Variants in KIAA1191 observed in about 807,000 individuals in gnomAD.
The protein encoded by KIAA1191 is KIAA1191, also known as putative monooxygenase p33MONOX.
In KIAA1191, 22 loss-of-function variants were observed where a neutral mutation model predicts 31.1. That is an observed-to-expected ratio of 0.71 (90% confidence interval 0.51 to 1.01). The LOEUF is 1.01. KIAA1191 is among the 50% of genes least tolerant of loss of function. The pLI, the probability that KIAA1191 is intolerant of heterozygous loss-of-function variation, is 0.00. For synonymous variants in KIAA1191, 130 were observed against 143.9 expected, an observed-to-expected ratio of 0.90 and a Z score of 0.69; for missense variants, 319 against 388.0, an observed-to-expected ratio of 0.82 and a Z score of 1.49.
Position 176,361,211 on chromosome 5 carries a change from G to T in KIAA1191, c.-168+391C>A, listed in dbSNP as rs1279617612. 1 of 152,232 alleles carries T rather than the reference G, an allele frequency of 6.6e-6. No homozygotes were observed. Among genetic ancestry groups the T allele is most frequent in the Non-Finnish European group, 1.5e-5 (1 of 68,172 alleles). 9.4% of individuals were successfully genotyped at this position (152,232 alleles called of 1,614,324 possible). ...TCTCCTTCACAATATACAAGACGGT[G>T]CCGCCAGGATACGAAAGGCCGGCTG... On this transcript the variant is annotated intron_variant, in intron 1 of 8. Coordinates refer to ENST00000298569, the MANE Select transcript of KIAA1191 (RefSeq NM_020444.5). This position sits in a 1 kb window ranked among gnomAD's most constrained non-coding sequence, Gnocchi z 4.0.
In KIAA1191 at chr5:176,352,624, G is replaced by T; in HGVS notation, c.332C>A (p.Thr111Lys). The change falls in exon 5 of 9, where the codon ACA becomes AAA. Residue 111 changes from threonine to lysine, a missense_variant and splice_region_variant. Transcript: ENST00000298569. ...ATHVIMNSLITKQTQESIQHF... is the reference protein window; with the variant it reads ...ATHVIMNSLIKKQTQESIQHF... ...CTCTGAGGGTGAAGAGTGCTTACTT[G>T]TGATCAGAGAATTCATGATGACATG... is the stretch of plus-strand genomic sequence containing the variant. 6.2e-7 allele frequency: 1 copy of T among 1,613,522 alleles called. No individual in the cohort carries two copies. The highest frequency in any genetic ancestry group is 8.5e-7 in the Non-Finnish European group (1 of 1,179,632).
chr5:176,356,445 C>A (rs982161422), intron 3 of KIAA1191, among the ~76,000 whole-genome samples: 4 of 152,190 alleles, frequency 2.6e-5, no homozygotes, highest in Non-Finnish European at 5.9e-5. Flanking sequence ...GAATCCTCTA[C>A]CTTCCTTTCC....
Position 176,360,916 on chromosome 5 carries a change from G to A in KIAA1191, c.-168+686C>T, listed in dbSNP as rs1239411225. ...ACGGTCACAGATAAGTGGTCCGTGC[G>A]CAAGGTAGGTAGTTTCATGCCCAGT... On this transcript the variant is annotated intron_variant, in intron 1 of 8. Coordinates refer to ENST00000298569, the MANE Select transcript of KIAA1191 (RefSeq NM_020444.5). Among the ~76,000 whole-genome samples, 3 of 152,192 alleles carry A rather than the reference G, an allele frequency of 2.0e-5. No individual in the cohort carries two copies. In the South Asian group the frequency reaches 6.2e-4, roughly 31 times the overall value.
Position 176,350,651 on chromosome 5 carries a change from C to G in KIAA1191, c.421G>C (p.Glu141Gln). 6.2e-7 allele frequency: 1 copy of G among 1,614,084 alleles called. No homozygotes were observed. The highest frequency in any genetic ancestry group is 8.5e-7 in the Non-Finnish European group (1 of 1,180,020). The change falls in exon 6 of 9, where the codon GAG becomes CAG. Residue 141 changes from glutamate to glutamine, a missense_variant. Glu to Gln is a conservative substitution (Grantham distance 29). Transcript: ENST00000298569. ...GCCACTCGAAGGTACTTGGTCTCCT[C>G]GGTGGTGAGGCCCTTGTGGGGTGTG... is the stretch of plus-strand genomic sequence containing the variant. ...GYTPHKGLTT[E>Q]ETKYLRVAEA...
Position 176,347,556 on chromosome 5 carries a change from G to C in KIAA1191, c.*44C>G. ...TCAAAGCCAAGGTAAAAGGGGAGTG[G>C]GATGCAAGAAACCACCTTTACCAGA... On this transcript the variant is annotated 3_prime_UTR_variant, in exon 9 of 9. Coordinates refer to ENST00000298569, the MANE Select transcript of KIAA1191 (RefSeq NM_020444.5). 7.2e-7 allele frequency: 1 copy of C among 1,387,368 alleles called. No individual in the cohort carries two copies. The highest frequency in any genetic ancestry group is 9.6e-7 in the Non-Finnish European group (1 of 1,039,624). 85.9% of individuals were successfully genotyped at this position (1,387,368 alleles called of 1,614,324 possible).
intron 1 of KIAA1191, among the ~76,000 whole-genome samples, 170 bp from the exon 2 acceptor site, chr5:176,360,088 C>T (rs1767866264): frequency 6.6e-6 from 1 of 151,694 alleles, no homozygotes; most frequent in Non-Finnish European, 1.5e-5. Context: ...CTATTTACAG[C>T]GTTTATCTTG....
In KIAA1191 at chr5:176,352,710, C is replaced by A; in HGVS notation, c.246G>T (p.Met82Ile). 6.2e-7 allele frequency: 1 copy of A among 1,613,894 alleles called. No homozygotes were observed. Among genetic ancestry groups the A allele is most frequent in the South Asian group, 1.1e-5 (1 of 91,040 alleles). ...EGEASLPSPA[M>I]TLSSAIDSVD... ...CACTGTCAATGGCTGATGACAGGGT[C>A]ATGGCAGGGGAGGGTAGACTGGCCT... The change falls in exon 5 of 9, where the codon ATG becomes ATT. Residue 82 changes from methionine to isoleucine, a missense_variant. Coordinates refer to ENST00000298569, the MANE Select transcript of KIAA1191 (RefSeq NM_020444.5).
In KIAA1191 at chr5:176,348,260, G is replaced by A; in HGVS notation, c.556C>T (p.Gln186Ter). 6.2e-7 allele frequency: 1 copy of A among 1,613,746 alleles called. No homozygotes were observed. Among genetic ancestry groups the A allele is most frequent in the Non-Finnish European group, 8.5e-7 (1 of 1,179,878 alleles). Reference protein sequence around the residue: ...PSTTPHSSPKQRPRGWFTSGS... With the variant: ...PSTTPHSSPK ...ACAGGAAGGGCTCACCTGGGCCTCT[G>A]CTTAGGTGAAGAGTGCGGAGTGGTG... is the stretch of plus-strand genomic sequence containing the variant. Residue 186 changes from glutamine (Q) to a stop codon, truncating the protein, a stop_gained, in exon 7 of 9, where the codon CAG becomes TAG. Transcript: ENST00000298569. LOFTEE classifies it high-confidence loss of function.
intron 7 of KIAA1191, 37 bp downstream of exon 7, chr5:176,348,213 C>G (rs1232227390): frequency 2.5e-6 from 4 of 1,600,254 alleles, no homozygotes; most frequent in Non-Finnish European, 3.4e-6. Context: ...TTTCCTGAAG[C>G]ACGCAGGAAC....
At chr5:176,358,814 G>C (rs974568283) in intron 3 of KIAA1191, among the ~76,000 whole-genome samples, 1 of 152,200 alleles carries the variant, frequency 6.6e-6, no homozygotes, top group Non-Finnish European at 1.5e-5. Context: ...GCCGGGCACG[G>C]TGGCTCACGC....
chr5:176,357,401 A>G (rs1292395014), intron 3 of KIAA1191: 1 of 152,218 alleles, frequency 6.6e-6, no homozygotes, highest in African/African-American at 2.4e-5. Context: ...GTTCACTTTC[A>G]GTGGGTGAAT....
intron 4 of KIAA1191, 140 bp from the exon 5 acceptor site, chr5:176,352,888 A>G: frequency 2.4e-6 from 2 of 832,578 alleles, no homozygotes; most frequent in Non-Finnish European, 1.8e-6. Flanking sequence ...GGAGTTGGTC[A>G]TCTCCACCCA....
Position 176,348,261 on chromosome 5 carries a change from C to T in KIAA1191, c.555G>A (p.Lys185=). The change falls in exon 7 of 9, where the codon AAG becomes AAA. Residue 185 remains lysine (K), a synonymous_variant. Coordinates refer to ENST00000298569, the MANE Select transcript of KIAA1191 (RefSeq NM_020444.5). ...CAGGAAGGGCTCACCTGGGCCTCTG[C>T]TTAGGTGAAGAGTGCGGAGTGGTGC... ...TPSTTPHSSP[K]QRPRGWFTSG... The T allele has an allele frequency of 1.2e-6, 2 of 1,613,736 alleles. No individual in the cohort carries two copies. The highest frequency in any genetic ancestry group is 8.5e-7 in the Non-Finnish European group (1 of 1,179,890).
In KIAA1191 at chr5:176,359,582, A is replaced by C; in HGVS notation, c.-59-15T>G. On this transcript the variant is annotated splice_polypyrimidine_tract_variant and intron_variant, in intron 2 of 8. Transcript: ENST00000298569. ...GTCCCTGCCACCTAATAAAATAACA[A>C]AGGGCATTTTCTTATGGTGAGCAGC... is the stretch of plus-strand genomic sequence containing the variant. The C allele has an allele frequency of 8.4e-7, 1 of 1,184,530 alleles. No homozygotes were observed. The highest frequency in any genetic ancestry group is 1.3e-6 in the Non-Finnish European group (1 of 789,516). The allele number at this position is 1,184,530 out of a possible 1,614,324, so 73.4% of individuals were successfully genotyped here.
chr5:176,351,382 A>G (rs946638419), intron 5 of KIAA1191, among the ~76,000 whole-genome samples: 4 of 152,098 alleles, frequency 2.6e-5, no homozygotes, highest in African/African-American at 4.8e-5. Flanking sequence ...AGAACAATGA[A>G]TAAGTTTTGT....
intron 5 of KIAA1191, among the ~76,000 whole-genome samples, chr5:176,351,502 G>A (rs1309440277): frequency 6.6e-6 from 1 of 152,070 alleles, no homozygotes; most frequent in Non-Finnish European, 1.5e-5. Context: ...GCTCACACCT[G>A]TAATCCCAGC....
Position 176,346,190 on chromosome 5 carries a change from A to T in KIAA1191, c.*1410T>A, listed in dbSNP as rs1362526752. On this transcript the variant is annotated 3_prime_UTR_variant, in exon 9 of 9. Transcript: ENST00000298569. The stretch of plus-strand genomic sequence containing the variant: ...GAAAGGCCAGCTTCTTATACAGACA[A>T]GGTACTATCCAAAACAAAAAGCAGG... 1 of 152,220 alleles carries T rather than the reference A, an allele frequency of 6.6e-6. No homozygotes were observed. Among genetic ancestry groups the T allele is most frequent in the Non-Finnish European group, 1.5e-5 (1 of 68,046 alleles). The allele number at this position is 152,220 out of a possible 1,614,324, so 9.4% of individuals were successfully genotyped here.
chr5:176,355,876 G>C lies in KIAA1191; in HGVS notation c.29-127C>G, dbSNP rs940930794. ...GAACAGAGCAAAATAGCTTGTTTTG[G>C]AGTAGCTAATCCCATCCAGGAAAGG... On this transcript the variant is annotated intron_variant, in intron 3 of 8. Transcript: ENST00000298569. The surrounding 1 kb of genome is among the most constrained non-coding windows in gnomAD (Gnocchi z 4.2). The C allele has an allele frequency of 1.1e-6, 1 of 913,854 alleles. No homozygotes were observed. Among genetic ancestry groups the C allele is most frequent in the Non-Finnish European group, 1.7e-6 (1 of 578,018 alleles). 56.6% of individuals were successfully genotyped at this position (913,854 alleles called of 1,614,324 possible).
chr5:176,356,554 T>C (rs972468347), intron 3 of KIAA1191, among the ~76,000 whole-genome samples: 2 of 152,216 alleles, frequency 1.3e-5, no homozygotes, highest in Non-Finnish European at 2.9e-5. Flanking sequence ...ACAGAAATTA[T>C]TGACAACCAC....
Sources: allele counts gnomAD v4.1 joint callset (sites outside exome capture counted in the v4.1 genomes callset), GRCh38; gene constraint gnomAD v4.1.1; non-coding constraint Gnocchi (gnomAD v3.1); transcripts MANE v1.5; gene names NCBI Gene and HGNC (gene_info 2026-07-23, HGNC 2026-07-21).